Variants in ADARB2 observed in about 807,000 individuals in gnomAD.
The protein encoded by ADARB2 is adenosine deaminase RNA specific B2 (inactive), also known as inactive double-stranded RNA-specific editase B2.
In ADARB2, 25 loss-of-function variants were observed where a neutral mutation model predicts 62.2. The observed-to-expected ratio is 0.40, with a 90% CI of 0.29 to 0.56. The LOEUF (loss-of-function observed/expected upper bound fraction) is 0.56. Ranked by LOEUF, ADARB2 falls within the 20% of genes least tolerant of loss-of-function variation. ADARB2 has a pLI of 0.43. For synonymous variants in ADARB2, 572 were observed against 500.8 expected (o/e 1.14, Z -1.90); for missense variants, 1,071 against 1,077.4 (o/e 0.99, Z 0.08).
intron 1 of ADARB2, among the ~76,000 whole-genome samples, chr10:1,612,140 C>T (rs1833580626): frequency 6.6e-6 from 1 of 152,176 alleles, no homozygotes; most frequent in East Asian, 1.9e-4. Context: ...CCGAGGGGGC[C>T]GCCTCTCCCA....
At chr10:1,249,420 T>C (rs556497073) in intron 4 of ADARB2, among the ~76,000 whole-genome samples, 2 of 133,830 alleles carry the variant, frequency 1.5e-5, no homozygotes, top group South Asian at 4.6e-4. Flanking sequence ...CCAGCCTGGG[T>C]AACAGAGCAA....
At chr10:1,241,314 A>AG (rs948266755) in intron 5 of ADARB2, among the ~76,000 whole-genome samples, 3 of 152,228 alleles carry the variant, frequency 2.0e-5, no homozygotes, top group Non-Finnish European at 2.9e-5. Context: ...GCGTCTGCTT[A>AG]GGGCTACACG....
At chr10:1,660,968 C>T (rs74208645) in intron 1 of ADARB2, among the ~76,000 whole-genome samples, 2 of 152,156 alleles carry the variant, frequency 1.3e-5, no homozygotes, top group Non-Finnish European at 1.5e-5. Context: ...ATAAACCCCC[C>T]CTCTGACCAG....
intron 3 of ADARB2, among the ~76,000 whole-genome samples, chr10:1,314,428 C>T (rs1174631928): frequency 6.7e-6 from 1 of 149,450 alleles, no homozygotes; most frequent in Admixed American, 6.6e-5. Flanking sequence ...CCTGGTCTGC[C>T]CCTGCAGCCA....
At position 1,566,220 on chromosome 10, in the gene ADARB2, G is replaced by T. The variant is rs534927096; in HGVS notation, c.100+170831C>A. Among the ~76,000 whole-genome samples, 5 of 152,196 alleles carry T rather than the reference G, an allele frequency of 3.3e-5. No homozygotes were observed. In the East Asian group the frequency reaches 7.7e-4, roughly 23 times the overall value. Reference sequence around the variant, plus strand: ...TTCACTGTCATGTCACATACCCAGGGTTAGCAGTTGTTGGATTTGCCAGGG... The same window carrying T: ...TTCACTGTCATGTCACATACCCAGGTTTAGCAGTTGTTGGATTTGCCAGGG... On this transcript the variant is annotated intron_variant, in intron 1 of 9. Transcript: ENST00000381312.
rs60197146 is a variant in ADARB2 at position 1,446,394 on chromosome 10, T to C, written c.101-67234A>G. Among the ~76,000 whole-genome samples, 240 of 152,352 alleles carry C rather than the reference T, an allele frequency of 1.6e-3. 1 individual carries two copies. Among genetic ancestry groups the C allele is most frequent in the East Asian group, 6.6e-3 (34 of 5,182 alleles). ...GACATTTGTACAAATGTACAAGCTA[T>C]GTTACATGCACCTGTTTATTCAGTC... On this transcript the variant is annotated intron_variant, in intron 1 of 9. Transcript: ENST00000381312.
intron 1 of ADARB2, among the ~76,000 whole-genome samples, chr10:1,539,661 T>C (rs1832384756): frequency 1.3e-5 from 2 of 152,242 alleles, no homozygotes; most frequent in South Asian, 4.1e-4. Context: ...TAAAGCGGCA[T>C]GCTCCTGTTT....
chr10:1,329,339 T>C (rs1174981678), intron 3 of ADARB2, among the ~76,000 whole-genome samples: 1 of 152,236 alleles, frequency 6.6e-6, no homozygotes, highest in African/African-American at 2.4e-5. Context: ...TTCCAGTGAT[T>C]CTTAAGAGTT....
intron 3 of ADARB2, chr10:1,361,539 T>C (rs1832255380): frequency 6.6e-6 from 1 of 152,218 alleles, no homozygotes; most frequent in Non-Finnish European, 1.5e-5. Context: ...TGAAAATGAA[T>C]GAATGGCTTC....
chr10:1,423,291 C>T (rs1023722842), intron 1 of ADARB2, among the ~76,000 whole-genome samples: 1 of 152,228 alleles, frequency 6.6e-6, no homozygotes, highest in African/African-American at 2.4e-5. Context: ...TTCTTTTCCC[C>T]TCTAATCTGA....
rs116082418 is a variant in ADARB2, at chr10:1,605,940, T to C, written c.100+131111A>G. Among the ~76,000 whole-genome samples the C allele has an allele frequency of 4.6e-3, 707 of 152,252 alleles. 2 individuals carry two copies. The highest frequency in any genetic ancestry group is 0.016 in the African/African-American group (650 of 41,534). ...GACAAAATGTCCATAGAACAATCAGTTTGGGTGAACAGCTGCACAGTTCTG... is the reference window on the plus strand; with the variant it reads ...GACAAAATGTCCATAGAACAATCAGCTTGGGTGAACAGCTGCACAGTTCTG... On this transcript the variant is annotated intron_variant, in intron 1 of 9. Transcript: ENST00000381312.
chr10:1,341,482 T>C (rs1045458231), intron 3 of ADARB2, among the ~76,000 whole-genome samples: 1,785 of 52,806 alleles, frequency 0.034, no homozygotes, highest in Middle Eastern at 0.056. Context: ...TGCCCCACAG[T>C]GGCAATAACC....
rs531787681 is a variant in ADARB2, at chr10:1,695,088, A to C, written c.100+41963T>G. ...TCTTGGGTTTTGTGCAGCGAGGAGA[A>C]TGGAAGCCTGAAAACAGCGCATCTG... On this transcript the variant is annotated intron_variant, in intron 1 of 9. Transcript: ENST00000381312. Among the ~76,000 whole-genome samples the C allele has an allele frequency of 3.3e-5, 5 of 152,292 alleles. No homozygotes were observed. The East Asian group carries it at 9.7e-4, about 29-fold the overall frequency.
At chr10:1,595,587 T>C (rs1291856285) in intron 1 of ADARB2, among the ~76,000 whole-genome samples, 1 of 152,216 alleles carries the variant, frequency 6.6e-6, no homozygotes, top group Admixed American at 6.5e-5. Context: ...GGCCAGACCC[T>C]GGGATTCTTC....
chr10:1,571,787 AT>A lies in ADARB2; in HGVS notation c.100+165263del, dbSNP rs1564334236. Among the ~76,000 whole-genome samples the A allele has an allele frequency of 3.2e-5, 4 of 125,900 alleles. No homozygotes were observed. The East Asian group carries it at 1.1e-3, about 33-fold the overall frequency. The allele number at this position is 125,900 out of a possible 152,430, so 82.6% of individuals were successfully genotyped here. A position where few individuals can be genotyped will look rare whatever the true frequency, so the allele number is the denominator to read the frequency against. ...GTGGACAGGTGAGTAGGCAGGTGAT[AT>A]GCTGGTGAGTGGACAGGTGAGTGGA... On this transcript the variant is annotated intron_variant, in intron 1 of 9. Coordinates refer to ENST00000381312, the MANE Select transcript of ADARB2 (RefSeq NM_018702.4).
chr10:1,379,204 C>T (rs748000735), intron 1 of ADARB2, 44 bp from the exon 2 acceptor site: 76 of 1,473,652 alleles, frequency 5.2e-5, no homozygotes, highest in South Asian at 4.8e-4. Flanking sequence ...CATGGAGTTG[C>T]GGAAAAACTC....
chr10:1,411,042 T>C (rs1832755184), intron 1 of ADARB2, among the ~76,000 whole-genome samples: 1 of 152,202 alleles, frequency 6.6e-6, no homozygotes, highest in Non-Finnish European at 1.5e-5. Flanking sequence ...TCTGCGCTCC[T>C]CCCTCAGGGC....
intron 1 of ADARB2, among the ~76,000 whole-genome samples, chr10:1,709,107 C>T (rs1366326327): frequency 6.6e-6 from 1 of 152,210 alleles, no homozygotes; most frequent in Non-Finnish European, 1.5e-5. Flanking sequence ...TAGGTATTTC[C>T]TGCTCTAGTG....
intron 3 of ADARB2, among the ~76,000 whole-genome samples, chr10:1,316,349 AC>A (rs1368663516): frequency 6.6e-6 from 1 of 152,194 alleles, no homozygotes; most frequent in Non-Finnish European, 1.5e-5. Flanking sequence ...GGCTCGCCTC[AC>A]CCAGCTTCCT....
Sources: gnomAD v4.1 joint callset for allele counts (sites outside exome capture counted in the v4.1 genomes callset) on GRCh38, gnomAD v4.1.1 for gene constraint, MANE v1.5 for transcripts, NCBI Gene and HGNC (gene_info 2026-07-23, HGNC 2026-07-21) for gene names.